The following FAP variants were observed in gnomAD, a reference collection of about 807,000 sequenced individuals.
FAP encodes the protein prolyl endopeptidase FAP.
Under a neutral mutation model 126.5 loss-of-function variants are expected in FAP, and 110 were observed. That is an observed-to-expected ratio of 0.87 (90% CI 0.74 to 1.02). FAP has a LOEUF of 1.02. FAP is among the 50% of genes least tolerant of loss of function. The probability of loss-of-function intolerance (pLI) is 0.00; values close to 1 mark genes in which losing one functional copy is unlikely to be tolerated. For synonymous variants in FAP, 334 were observed against 297.3 expected, an observed-to-expected ratio of 1.12 and a Z score of -1.27; for missense variants, 919 against 909.2, an observed-to-expected ratio of 1.01 and a Z score of -0.14.
chr2:162,215,989 T>C lies in FAP; in HGVS notation c.775A>G (p.Asn259Asp). ...ATAATAAATATCCGAACAACGGGATTCTTAGCTCCAGCCTGCCAAGAAAAT... is the reference window on the plus strand; with the variant it reads ...ATAATAAATATCCGAACAACGGGATCCTTAGCTCCAGCCTGCCAAGAAAAT... ...NIPYPKAGAK[N>D]PVVRIFIIDT... The change falls in exon 10 of 26, where the codon AAT becomes GAT. Residue 259 changes from asparagine (N) to aspartate (D), a missense_variant. Asn to Asp is a conservative substitution (Grantham distance 23, BLOSUM62 1). Transcript: ENST00000188790. 1.2e-6 allele frequency: 2 copies of C among 1,613,858 alleles called. No individual in the cohort carries two copies. Among genetic ancestry groups the C allele is most frequent in the Non-Finnish European group, 1.7e-6 (2 of 1,179,810 alleles).
chr2:162,229,663 AT>A, intron 2 of FAP, among the ~76,000 whole-genome samples: 1 of 152,156 alleles, frequency 6.6e-6, no homozygotes, highest in Non-Finnish European at 1.5e-5. Flanking sequence ...ATTAAAAAGC[AT>A]TTTGATCTTA....
intron 12 of FAP, 32 bp downstream of exon 12, chr2:162,209,920 T>G: frequency 6.3e-7 from 1 of 1,599,956 alleles, no homozygotes; most frequent in Non-Finnish European, 8.6e-7. Context: ...CAAGTTTCAT[T>G]AAAACATAAG....
intron 2 of FAP, among the ~76,000 whole-genome samples, chr2:162,232,574 A>T (rs967229531): frequency 6.6e-6 from 1 of 152,218 alleles, no homozygotes; most frequent in Admixed American, 6.5e-5. Context: ...ATAGGTTGCT[A>T]GCTATTATAA....
chr2:162,200,027 T>G (rs1238389536), intron 15 of FAP, among the ~76,000 whole-genome samples: 1 of 152,172 alleles, frequency 6.6e-6, no homozygotes, highest in Non-Finnish European at 1.5e-5. Flanking sequence ...GATTAAAAGG[T>G]GCCTGGCATA....
In FAP at chr2:162,243,307, G is replaced by A. The variant is rs940890421; in HGVS notation, c.6+15C>T. Reference sequence around the variant, plus strand: ...CCCTAATTTTTTAAGAATACTTGAGGTTGCTTATACTAACCTTCATTTTTC... The same window carrying A: ...CCCTAATTTTTTAAGAATACTTGAGATTGCTTATACTAACCTTCATTTTTC... On this transcript the variant is annotated intron_variant, in intron 1 of 25. Coordinates refer to ENST00000188790, the MANE Select transcript of FAP (RefSeq NM_004460.5). The A allele has an allele frequency of 1.3e-6, 2 of 1,593,128 alleles. No homozygotes were observed. The highest frequency in any genetic ancestry group is 1.3e-5 in the African/African-American group (1 of 74,246).
At chr2:162,191,150 A>G (rs1041326861) in intron 17 of FAP, among the ~76,000 whole-genome samples, 3 of 152,058 alleles carry the variant, frequency 2.0e-5, no homozygotes, top group Admixed American at 6.6e-5. Flanking sequence ...TGATTGATTG[A>G]CTGATTACTA....
rs1301875238 is a variant in FAP, at chr2:162,215,935, G to T, written c.829C>A (p.Pro277Thr). 1.2e-6 allele frequency: 2 copies of T among 1,613,888 alleles called. No homozygotes were observed. Among genetic ancestry groups the T allele is most frequent in the African/African-American group, 2.7e-5 (2 of 74,894 alleles). The change falls in exon 10 of 26, where the codon CCC becomes ACC. Residue 277 changes from proline (P) to threonine (T), a missense_variant. Pro to Thr is a conservative substitution (Grantham distance 38). Coordinates refer to ENST00000188790, the MANE Select transcript of FAP (RefSeq NM_004460.5). Reference sequence around the variant, plus strand: ...ATTGCTGGAACAGGCACTTCCTGGGGACCTACATACGCAGGGTAAGTGGTA... The same window carrying T: ...ATTGCTGGAACAGGCACTTCCTGGGTACCTACATACGCAGGGTAAGTGGTA... ...IDTTYPAYVG[P>T]QEVPVPAMIA...
intron 11 of FAP, among the ~76,000 whole-genome samples, chr2:162,210,711 C>T (rs1309796201): frequency 6.6e-6 from 1 of 152,066 alleles, no homozygotes; most frequent in African/African-American, 2.4e-5. Context: ...CAATTTGGAA[C>T]ATATAATTAT....
intron 7 of FAP, among the ~76,000 whole-genome samples, chr2:162,219,465 A>G (rs547526924): frequency 2.0e-5 from 3 of 152,160 alleles, no homozygotes; most frequent in Admixed American, 2.0e-4. Context: ...AAGTCGAATA[A>G]ATCTCTGAAT....
chr2:162,224,406 A>G, intron 5 of FAP, 60 bp downstream of exon 5: 1 of 1,032,806 alleles, frequency 9.7e-7, no homozygotes, highest in South Asian at 1.4e-5. Context: ...ACTTTTTTTA[A>G]ACCACCTTGT....
At chr2:162,233,562 A>T (rs1305983044) in intron 2 of FAP, among the ~76,000 whole-genome samples, 1 of 151,774 alleles carries the variant, frequency 6.6e-6, no homozygotes, top group Non-Finnish European at 1.5e-5. Context: ...TTTTTAATGG[A>T]GTTATTTATC....
chr2:162,231,056 AT>A (rs1689879787), intron 2 of FAP, among the ~76,000 whole-genome samples: 1 of 152,132 alleles, frequency 6.6e-6, no homozygotes, highest in South Asian at 2.1e-4. Flanking sequence ...GACCTTGCTC[AT>A]TGCCTTCAAA....
At position 162,221,793 on chromosome 2, in the gene FAP, A is replaced by G. The variant is rs139643452; in HGVS notation, c.413+1815T>C. The G allele has an allele frequency of 9.7e-5, 44 of 453,864 alleles. No individual in the cohort carries two copies. The East Asian group carries it at 2.9e-3, about 29-fold the overall frequency. 28.1% of individuals were successfully genotyped at this position (453,864 alleles called of 1,614,324 possible). On this transcript the variant is annotated intron_variant, in intron 6 of 25. Coordinates refer to ENST00000188790, the MANE Select transcript of FAP (RefSeq NM_004460.5). ...GGCGTTCATCTCCTCAGTTTTGCCTACCTAGCTTGAAACCAGTAGTTTTGT... is the reference window on the plus strand; with the variant it reads ...GGCGTTCATCTCCTCAGTTTTGCCTGCCTAGCTTGAAACCAGTAGTTTTGT...
chr2:162,239,545 G>A (rs1690267183), intron 2 of FAP, among the ~76,000 whole-genome samples: 1 of 152,030 alleles, frequency 6.6e-6, no homozygotes, highest in African/African-American at 2.4e-5. Flanking sequence ...GATATTCTGG[G>A]ATAAAGGCTC....
At chr2:162,221,195 G>A (rs1241728944) in intron 6 of FAP, among the ~76,000 whole-genome samples, 1 of 152,130 alleles carries the variant, frequency 6.6e-6, no homozygotes, top group Admixed American at 6.5e-5. Flanking sequence ...ATGAGCACCA[G>A]GCCCCTGGGT....
intron 6 of FAP, among the ~76,000 whole-genome samples, chr2:162,223,329 A>G (rs1462512793): frequency 6.6e-6 from 1 of 152,044 alleles, no homozygotes; most frequent in African/African-American, 2.4e-5. Flanking sequence ...TGTTTTTTCC[A>G]TAAATAGCAC....
At chr2:162,176,691 T>G (rs1402877301) in intron 21 of FAP, 1 of 152,172 alleles carries the variant, frequency 6.6e-6, no homozygotes, top group East Asian at 1.9e-4. Flanking sequence ...ATTTATGGTT[T>G]TATTGGCAAA....
At chr2:162,179,566 C>T (rs1451852458) in intron 21 of FAP, among the ~76,000 whole-genome samples, 1 of 151,954 alleles carries the variant, frequency 6.6e-6, no homozygotes, top group Non-Finnish European at 1.5e-5. Context: ...AGACAAGACA[C>T]AACATGGTAA....
chr2:162,219,384 TA>T (rs1258885544), intron 7 of FAP, among the ~76,000 whole-genome samples: 1 of 152,114 alleles, frequency 6.6e-6, no homozygotes, highest in Non-Finnish European at 1.5e-5. Flanking sequence ...CTGAATCAAA[TA>T]AAAAATAAAG....
Sources: allele counts gnomAD v4.1 joint callset (sites outside exome capture counted in the v4.1 genomes callset), GRCh38; gene constraint gnomAD v4.1.1; transcripts MANE v1.5; gene names NCBI Gene and HGNC (gene_info 2026-07-23, HGNC 2026-07-21).